The following PLA2G4A variants were observed in gnomAD, a reference collection of about 807,000 sequenced individuals.
PLA2G4A encodes phospholipase A2 group IVA.
PLA2G4A carries 40 observed loss-of-function variants against 81.9 expected under a neutral mutation model. The observed-to-expected ratio is 0.49, with a 90% CI of 0.38 to 0.64. The LOEUF (loss-of-function observed/expected upper bound fraction) is 0.64, where lower values mean the gene tolerates loss of function less well. Among genes scored for constraint, PLA2G4A ranks in the 30% least tolerant of loss-of-function variants. The pLI is 0.00. For missense variants in PLA2G4A, 715 were observed against 905.1 expected (o/e 0.79, Z 2.69); for synonymous variants, 302 against 296.9 (o/e 1.02, Z -0.18).
intron 3 of PLA2G4A, among the ~76,000 whole-genome samples, chr1:186,888,855 A>C (rs1654032372): frequency 6.6e-6 from 1 of 152,160 alleles, no homozygotes; most frequent in African/African-American, 2.4e-5. Flanking sequence ...ATGGTTAAAA[A>C]AAAGAGCATT....
At chr1:186,966,018 T>C (rs1000642197) in intron 15 of PLA2G4A, among the ~76,000 whole-genome samples, 26 of 150,698 alleles carry the variant, frequency 1.7e-4, no homozygotes, top group African/African-American at 6.4e-4. Flanking sequence ...ACTGAAGATA[T>C]ATTAACAAGG....
chr1:186,984,067 C>G (rs965191325), intron 17 of PLA2G4A, among the ~76,000 whole-genome samples: 2 of 151,962 alleles, frequency 1.3e-5, no homozygotes, highest in East Asian at 3.9e-4. Context: ...CTTTATTTAC[C>G]TTGTATTCTG....
chr1:186,890,055 C>T (rs1019578915), intron 3 of PLA2G4A, among the ~76,000 whole-genome samples: 8 of 152,074 alleles, frequency 5.3e-5, no homozygotes, highest in South Asian at 2.1e-4. Flanking sequence ...CATTATAGCG[C>T]GATTGTGAGA....
intron 15 of PLA2G4A, among the ~76,000 whole-genome samples, chr1:186,971,070 C>T (rs532385283): frequency 2.0e-5 from 3 of 151,592 alleles, no homozygotes; most frequent in Non-Finnish European, 4.4e-5. Context: ...TTATTTTATT[C>T]TTCTAAATAT....
intron 3 of PLA2G4A, among the ~76,000 whole-genome samples, chr1:186,877,839 T>A (rs1171394480): frequency 6.6e-6 from 1 of 150,898 alleles, no homozygotes; most frequent in Non-Finnish European, 1.5e-5. Flanking sequence ...TGATATTGCT[T>A]CCTTTTTTGC....
rs571418556 is a variant in PLA2G4A, at chr1:186,988,231, T to C, written c.2119-146T>C. 4 of 555,368 alleles carry C rather than the reference T, an allele frequency of 7.2e-6. No individual in the cohort carries two copies. The African/African-American group carries it at 7.7e-5, about 11-fold the overall frequency. 34.4% of individuals were successfully genotyped at this position (555,368 alleles called of 1,614,324 possible). A position where few individuals can be genotyped will look rare whatever the true frequency, so the allele number is the denominator to read the frequency against. On this transcript the variant is annotated intron_variant, in intron 17 of 17. Transcript: ENST00000367466. The stretch of plus-strand genomic sequence containing the variant: ...GCAGTGGTGGGATGTTGAATTTAAA[T>C]GTGTATGCATGACTCGTAGATTTCT...
rs564892404 is a variant in PLA2G4A at position 186,957,798 on chromosome 1, G to A, written c.1579+1454G>A. On this transcript the variant is annotated intron_variant, in intron 14 of 17. Coordinates refer to ENST00000367466, the MANE Select transcript of PLA2G4A (RefSeq NM_024420.3). ...CTGTTATAAAGTTAAATTTGCTTTGGTGACCAATCAATATACAATAATTTT... is the reference window on the plus strand; with the variant it reads ...CTGTTATAAAGTTAAATTTGCTTTGATGACCAATCAATATACAATAATTTT... Among the ~76,000 whole-genome samples, 10 of 152,276 alleles carry A rather than the reference G, an allele frequency of 6.6e-5. No individual in the cohort carries two copies. The South Asian group carries it at 2.1e-3, about 32-fold the overall frequency.
chr1:186,959,964 T>C (rs2064471), intron 14 of PLA2G4A, among the ~76,000 whole-genome samples: 145,811 of 152,200 alleles, frequency 0.96, 69,890 homozygotes, highest in East Asian at 1. Flanking sequence ...GTTTAACCTA[T>C]GATGATTTTG....
chr1:186,918,175 C>A (rs556137421), intron 7 of PLA2G4A, among the ~76,000 whole-genome samples: 18 of 152,184 alleles, frequency 1.2e-4, no homozygotes, highest in Middle Eastern at 3.4e-3. Flanking sequence ...TATCGATGCC[C>A]AGTAAGGGGT....
At chr1:186,844,755 G>A (rs1652110305) in intron 1 of PLA2G4A, among the ~76,000 whole-genome samples, 1 of 152,184 alleles carries the variant, frequency 6.6e-6, no homozygotes, top group Non-Finnish European at 1.5e-5. Context: ...TCTGCACGTT[G>A]TGCACATGTA....
At chr1:186,856,055 TACACACACAA>T (rs995528852) in intron 2 of PLA2G4A, among the ~76,000 whole-genome samples, 78 of 152,006 alleles carry the variant, frequency 5.1e-4, no homozygotes, top group African/African-American at 1.8e-3. Context: ...TTTGCCAATT[TACACACACAA>T]ACACACACAC....
At chr1:186,843,676 C>T (rs879463053) in intron 1 of PLA2G4A, among the ~76,000 whole-genome samples, 10 of 152,122 alleles carry the variant, frequency 6.6e-5, no homozygotes, top group Admixed American at 2.0e-4. Flanking sequence ...GAATGACAGG[C>T]GGACATGATC....
At chr1:186,984,343 A>G (rs1657825063) in intron 17 of PLA2G4A, among the ~76,000 whole-genome samples, 1 of 151,966 alleles carries the variant, frequency 6.6e-6, no homozygotes, top group Admixed American at 6.6e-5. Flanking sequence ...CTTTTCTAGG[A>G]CCTGTTAATT....
chr1:186,870,746 T>G, intron 3 of PLA2G4A: 9 of 1,544,360 alleles, frequency 5.8e-6, no homozygotes, highest in Non-Finnish European at 7.9e-6. Context: ...GTGACATGCG[T>G]AAGAGTGCCC....
chr1:186,908,687 A>G (rs1654826156), intron 6 of PLA2G4A, among the ~76,000 whole-genome samples: 1 of 151,994 alleles, frequency 6.6e-6, no homozygotes, highest in Non-Finnish European at 1.5e-5. Flanking sequence ...GAAATACTAC[A>G]TAATAGTAAA....
At chr1:186,925,239 G>A (rs893941175) in intron 7 of PLA2G4A, among the ~76,000 whole-genome samples, 2 of 152,144 alleles carry the variant, frequency 1.3e-5, no homozygotes, top group Non-Finnish European at 1.5e-5. Flanking sequence ...ATCTAAATCT[G>A]AACACAAAGT....
At chr1:186,854,241 T>C in intron 1 of PLA2G4A, 45 bp from the exon 2 acceptor site, 2 of 728,064 alleles carry the variant, frequency 2.7e-6, no homozygotes, top group Non-Finnish European at 5.0e-6. Flanking sequence ...ATCTTAGAAC[T>C]GCATCCAAGA....
At chr1:186,931,550 T>TTAC (rs1314982166) in intron 7 of PLA2G4A, among the ~76,000 whole-genome samples, 5 of 129,330 alleles carry the variant, frequency 3.9e-5, no homozygotes. Flanking sequence ...ATTATTATTA[T>TTAC]TATTATTACA....
intron 2 of PLA2G4A, among the ~76,000 whole-genome samples, chr1:186,866,193 T>A (rs1316654101): frequency 1.3e-5 from 2 of 152,040 alleles, no homozygotes; most frequent in Middle Eastern, 3.2e-3. Flanking sequence ...TGGACTAGTT[T>A]GAAATTGCAT....
Sources: allele counts gnomAD v4.1 joint callset (sites outside exome capture counted in the v4.1 genomes callset), GRCh38; gene constraint gnomAD v4.1.1; transcripts MANE v1.5; gene names NCBI Gene and HGNC (gene_info 2026-07-23, HGNC 2026-07-21).